The following VTI1A variants were observed in gnomAD, a reference collection of about 807,000 sequenced individuals.
VTI1A encodes vesicle transport through interaction with t-SNAREs homolog 1A.
In VTI1A, 22 loss-of-function variants were observed where a neutral mutation model predicts 34.9. The ratio of observed to expected loss-of-function variants is 0.63; its 90% confidence interval spans 0.45 to 0.90. VTI1A has a LOEUF of 0.90. Among genes scored for constraint, VTI1A ranks in the 40% least tolerant of loss-of-function variants. The pLI is 0.00. For missense variants in VTI1A, 268 were observed against 275.6 expected (o/e 0.97, Z 0.20); for synonymous variants, 87 against 97.3 (o/e 0.89, Z 0.62).
chr10:112,715,161 A>T (rs1849561120), intron 7 of VTI1A, among the ~76,000 whole-genome samples: 1 of 152,204 alleles, frequency 6.6e-6, no homozygotes. Context: ...ATATTCAAGA[A>T]CAAATTGCAC....
At chr10:112,607,281 C>T (rs1322304702) in intron 5 of VTI1A, among the ~76,000 whole-genome samples, 1 of 147,824 alleles carries the variant, frequency 6.8e-6, no homozygotes, top group Non-Finnish European at 1.5e-5. Context: ...AGCAAGACTC[C>T]ATCTCAAAAA....
chr10:112,503,743 G>C (rs1229122406), intron 3 of VTI1A, among the ~76,000 whole-genome samples: 1 of 152,100 alleles, frequency 6.6e-6, no homozygotes, highest in African/African-American at 2.4e-5. Flanking sequence ...ATTGCTTGTT[G>C]CTATCTACGT....
At chr10:112,645,942 G>GTTTTTTT (rs71035394) in intron 5 of VTI1A, among the ~76,000 whole-genome samples, 1 of 137,324 alleles carries the variant, frequency 7.3e-6, no homozygotes, top group Non-Finnish European at 1.5e-5. Context: ...AATATACTGT[G>GTTTTTTT]TTTTTTTTTT....
chr10:112,834,934 G>C, the VTI1A span, among the ~76,000 whole-genome samples: 64 of 152,290 alleles, frequency 4.2e-4, no homozygotes, highest in East Asian at 0.011. Context: ...GGCCCTCCCT[G>C]CCACTTGAGA....
intron 3 of VTI1A, among the ~76,000 whole-genome samples, chr10:112,475,374 T>C (rs1564791963): frequency 6.6e-6 from 1 of 152,282 alleles, no homozygotes; most frequent in Non-Finnish European, 1.5e-5. Flanking sequence ...ATGTAAATTC[T>C]TTTTAAGTTT....
chr10:112,620,867 A>C (rs966390522), intron 5 of VTI1A, among the ~76,000 whole-genome samples: 2 of 152,156 alleles, frequency 1.3e-5, no homozygotes, highest in Non-Finnish European at 2.9e-5. Flanking sequence ...AGAGATACTT[A>C]GCAAAAGTGA....
At chr10:112,679,235 C>T (rs1848132696) in intron 7 of VTI1A, among the ~76,000 whole-genome samples, 1 of 152,078 alleles carries the variant, frequency 6.6e-6, no homozygotes, top group Non-Finnish European at 1.5e-5. Flanking sequence ...AAATGTTTTC[C>T]AGGGAAGCCA....
At chr10:112,469,738 G>T (rs1202220236) in intron 3 of VTI1A, among the ~76,000 whole-genome samples, 1 of 152,196 alleles carries the variant, frequency 6.6e-6, no homozygotes, top group African/African-American at 2.4e-5. Context: ...TTACTCCCCA[G>T]TAGCTGTTCT....
intron 7 of VTI1A, among the ~76,000 whole-genome samples, chr10:112,785,411 C>G (rs1852254565): frequency 6.6e-6 from 1 of 152,124 alleles, no homozygotes; most frequent in Non-Finnish European, 1.5e-5. Flanking sequence ...CTGTACACAC[C>G]TTTTTTTGGA....
chr10:112,714,164 A>G lies in VTI1A; in HGVS notation c.560+45166A>G, dbSNP rs193251606. Among the ~76,000 whole-genome samples the G allele has an allele frequency of 1.1e-3, 175 of 152,246 alleles. 1 individual carries two copies. The highest frequency in any genetic ancestry group is 3.8e-3 in the African/African-American group (159 of 41,550). On this transcript the variant is annotated intron_variant, in intron 7 of 7. Transcript: ENST00000393077. ...TCTGAGGACGGTACATCACACTAAG[A>G]CTTGATCTTGGGGCACAACTGAGTT...
rs3057346 is a variant in VTI1A, at chr10:112,611,737, A to ATTTTTTTTTTTTTTTTTTTTTT, written c.428-56480_428-56459dup. On this transcript the variant is annotated intron_variant, in intron 5 of 7. Coordinates refer to ENST00000393077, the MANE Select transcript of VTI1A (RefSeq NM_145206.4). ...TAAAGCCCATTTGGTGAGAAAGGTA[A>ATTTTTTTTTTTTTTTTTTTTTT]TTTTTTTTTTTTTTTTTTTTTTGTG... is the stretch of plus-strand genomic sequence containing the variant. 1.3e-3 allele frequency among the ~76,000 whole-genome samples: 128 copies of ATTTTTTTTTTTTTTTTTTTTTT among 100,796 alleles called. 10 individuals carry two copies. Among genetic ancestry groups the ATTTTTTTTTTTTTTTTTTTTTT allele is most frequent in the African/African-American group, 2.1e-3 (46 of 22,360 alleles). 66.1% of individuals were successfully genotyped at this position (100,796 alleles called of 152,430 possible). A position where few individuals can be genotyped will look rare whatever the true frequency, so the allele number is the denominator to read the frequency against.
At chr10:112,754,320 C>G (rs1007312675) in intron 7 of VTI1A, among the ~76,000 whole-genome samples, 1 of 152,118 alleles carries the variant, frequency 6.6e-6, no homozygotes, top group Non-Finnish European at 1.5e-5. Context: ...CCCCCCCTTT[C>G]GATTCAGACT....
intron 3 of VTI1A, among the ~76,000 whole-genome samples, chr10:112,480,194 CATTA>C (rs77043487): frequency 0.058 from 8,810 of 152,160 alleles, 383 homozygotes; most frequent in East Asian, 0.22. Flanking sequence ...ATCAGGCTCT[CATTA>C]GTAAAACAAA....
At chr10:112,724,796 AAAAG>A (rs1229097925) in intron 7 of VTI1A, among the ~76,000 whole-genome samples, 11 of 151,638 alleles carry the variant, frequency 7.3e-5, no homozygotes, top group African/African-American at 2.7e-4. Context: ...GAAAAAAAAA[AAAAG>A]AAAAAAAAAC....
At chr10:112,828,738 A>G in the VTI1A span, among the ~76,000 whole-genome samples, 3 of 150,356 alleles carry the variant, frequency 2.0e-5, no homozygotes, top group Non-Finnish European at 4.4e-5. Flanking sequence ...AGAGCTGGGC[A>G]TGGTGTCTCA....
chr10:112,688,816 G>A (rs1355619350), intron 7 of VTI1A, among the ~76,000 whole-genome samples: 1 of 152,134 alleles, frequency 6.6e-6, no homozygotes, highest in East Asian at 1.9e-4. Flanking sequence ...AGGAATTACA[G>A]GCATCAGCCA....
At chr10:112,681,551 A>C (rs1363531730) in intron 7 of VTI1A, among the ~76,000 whole-genome samples, 4 of 152,354 alleles carry the variant, frequency 2.6e-5, no homozygotes, top group African/African-American at 9.6e-5. Flanking sequence ...ACACAAATTC[A>C]AATTTTTTAA....
Position 112,447,262 on chromosome 10 carries a change from T to C in VTI1A, c.-112T>C, listed in dbSNP as rs1846869404. 15 of 1,163,796 alleles carry C rather than the reference T, an allele frequency of 1.3e-5. No individual in the cohort carries two copies. Among genetic ancestry groups the C allele is most frequent in the Non-Finnish European group, 1.8e-5 (15 of 820,794 alleles). 72.1% of individuals were successfully genotyped at this position (1,163,796 alleles called of 1,614,324 possible). A position where few individuals can be genotyped will look rare whatever the true frequency, so the allele number is the denominator to read the frequency against. On this transcript the variant is annotated 5_prime_UTR_variant, in exon 1 of 8. Coordinates refer to ENST00000393077, the MANE Select transcript of VTI1A (RefSeq NM_145206.4). The stretch of plus-strand genomic sequence containing the variant: ...TTGAGAGCTGTCCCCGGTTCTCCGT[T>C]CTGCTCTCGGGGGCACCTTCCGGGG...
At chr10:112,468,498 C>T (rs895349182) in intron 3 of VTI1A, among the ~76,000 whole-genome samples, 1 of 152,140 alleles carries the variant, frequency 6.6e-6, no homozygotes, top group African/African-American at 2.4e-5. Context: ...TGAAGCCGTT[C>T]TTCTGTTCCA....
Sources: allele counts gnomAD v4.1 joint callset (sites outside exome capture counted in the v4.1 genomes callset), GRCh38; gene constraint gnomAD v4.1.1; transcripts MANE v1.5; gene names NCBI Gene and HGNC (gene_info 2026-07-23, HGNC 2026-07-21).